The following CNTNAP2 variants were observed in gnomAD, a reference collection of about 807,000 sequenced individuals.
CNTNAP2 encodes the protein contactin-associated protein-like 2.
CNTNAP2 carries 98 observed loss-of-function variants against 155.2 expected under a neutral mutation model. The observed-to-expected ratio is 0.63, with a 90% CI of 0.54 to 0.75. The LOEUF (loss-of-function observed/expected upper bound fraction) is 0.75, where lower values mean the gene tolerates loss of function less well. Ranked by LOEUF, CNTNAP2 falls within the 30% of genes least tolerant of loss-of-function variation. The pLI is 0.00. For synonymous variants in CNTNAP2, 651 were observed against 631.2 expected (o/e 1.03, Z -0.47); for missense variants, 1,727 against 1,688.1 (o/e 1.02, Z -0.40).
chr7:147,915,875 G>A (rs1394612077), intron 14 of CNTNAP2, among the ~76,000 whole-genome samples: 12 of 152,156 alleles, frequency 7.9e-5, no homozygotes, highest in Non-Finnish European at 1.6e-4. Flanking sequence ...ACCATCCCGT[G>A]TACGTTACTC....
chr7:146,485,476 G>C (rs965416127), intron 1 of CNTNAP2, among the ~76,000 whole-genome samples: 6 of 152,170 alleles, frequency 3.9e-5, no homozygotes, highest in African/African-American at 1.4e-4. Flanking sequence ...CCTACCAGTG[G>C]TAAGTGGTAG....
chr7:147,593,161 T>A (rs1337817329), intron 12 of CNTNAP2, among the ~76,000 whole-genome samples: 1 of 151,608 alleles, frequency 6.6e-6, no homozygotes. Flanking sequence ...ACATTATAAT[T>A]GTAGGGAAAG....
intron 13 of CNTNAP2, among the ~76,000 whole-genome samples, chr7:147,777,677 A>G (rs1432763465): frequency 2.0e-5 from 3 of 152,174 alleles, no homozygotes; most frequent in Admixed American, 6.5e-5. Context: ...GTGGCCCCAT[A>G]TATTTTCCCT....
In CNTNAP2 at chr7:147,221,282, A is replaced by G. The variant is rs140422360; in HGVS notation, c.1349-78859A>G. Among the ~76,000 whole-genome samples the G allele has an allele frequency of 3.9e-3, 597 of 152,274 alleles. 3 individuals are homozygous for G. Among genetic ancestry groups the G allele is most frequent in the African/African-American group, 0.014 (564 of 41,554 alleles). Reference sequence around the variant, plus strand: ...CATTTTTCATGGTATTTTTTTGAACAAATATTTACTTGTTAAATCAATTAA... The same window carrying G: ...CATTTTTCATGGTATTTTTTTGAACGAATATTTACTTGTTAAATCAATTAA... On this transcript the variant is annotated intron_variant, in intron 8 of 23. Coordinates refer to ENST00000361727, the MANE Select transcript of CNTNAP2 (RefSeq NM_014141.6).
intron 12 of CNTNAP2, among the ~76,000 whole-genome samples, chr7:147,632,864 G>A (rs1795110580): frequency 6.6e-6 from 1 of 152,194 alleles, no homozygotes; most frequent in Admixed American, 6.5e-5. Context: ...GGTCTCATAT[G>A]AAGATGAGGA....
intron 3 of CNTNAP2, among the ~76,000 whole-genome samples, chr7:146,902,138 C>T (rs1438990669): frequency 2.0e-5 from 3 of 151,984 alleles, no homozygotes; most frequent in African/African-American, 4.8e-5. Context: ...CCCGTCTCGG[C>T]CTCCCAAAGT....
intron 18 of CNTNAP2, among the ~76,000 whole-genome samples, chr7:148,181,194 G>A (rs1007269215): frequency 1.3e-5 from 2 of 152,152 alleles, no homozygotes; most frequent in African/African-American, 4.8e-5. Flanking sequence ...TGTAGAGGAC[G>A]TATCATGGGA....
chr7:148,282,482 G>A (rs905759626), intron 21 of CNTNAP2, among the ~76,000 whole-genome samples: 1 of 152,184 alleles, frequency 6.6e-6, no homozygotes. Flanking sequence ...TTAGGAAGAT[G>A]AAAGATGCTA....
chr7:147,775,403 TTA>T (rs1491111321), intron 13 of CNTNAP2, among the ~76,000 whole-genome samples: 2 of 81,002 alleles, frequency 2.5e-5, no homozygotes, highest in Non-Finnish European at 5.1e-5. Flanking sequence ...ATATATATAT[TTA>T]TATATATATT....
chr7:148,241,497 C>A (rs1796157756), intron 20 of CNTNAP2, among the ~76,000 whole-genome samples: 1 of 152,142 alleles, frequency 6.6e-6, no homozygotes. Flanking sequence ...AGATATGAAC[C>A]AAGTGCCCAT....
At chr7:147,722,526 G>C (rs984728136) in intron 13 of CNTNAP2, among the ~76,000 whole-genome samples, 2 of 152,050 alleles carry the variant, frequency 1.3e-5, no homozygotes, top group African/African-American at 4.8e-5. Flanking sequence ...TTGCCAACAA[G>C]CATATGAAGG....
intron 13 of CNTNAP2, among the ~76,000 whole-genome samples, chr7:147,842,681 C>T (rs191535286): frequency 0.031 from 3,100 of 100,448 alleles, 95 homozygotes; most frequent in Middle Eastern, 0.053. Flanking sequence ...CATGCTGGTG[C>T]GCTGCACCCA....
intron 11 of CNTNAP2, among the ~76,000 whole-genome samples, chr7:147,553,739 G>T (rs543697144): frequency 6.6e-6 from 1 of 152,260 alleles, no homozygotes; most frequent in Non-Finnish European, 1.5e-5. Flanking sequence ...TGTAATCCCA[G>T]CACTTTGGGA....
chr7:146,743,510 T>C (rs1226659355), intron 1 of CNTNAP2, among the ~76,000 whole-genome samples: 1 of 152,166 alleles, frequency 6.6e-6, no homozygotes, highest in African/African-American at 2.4e-5. Context: ...ACTTATTGTG[T>C]AAAGACATTT....
chr7:147,361,535 C>T (rs1315872803), intron 9 of CNTNAP2, among the ~76,000 whole-genome samples: 4 of 151,990 alleles, frequency 2.6e-5, no homozygotes. Flanking sequence ...ATAAAGTGTC[C>T]TAGGATTAAT....
Position 147,744,822 on chromosome 7 carries a change from C to T in CNTNAP2, c.2098+105516C>T, listed in dbSNP as rs182406911. ...ATACTATCCTATCAGGGAGCATGCC[C>T]CACCCTCCAACCTCATTTAACTGTA... On this transcript the variant is annotated intron_variant, in intron 13 of 23. Coordinates refer to ENST00000361727, the MANE Select transcript of CNTNAP2 (RefSeq NM_014141.6). Among the ~76,000 whole-genome samples the T allele has an allele frequency of 1.6e-4, 25 of 152,244 alleles. No individual in the cohort carries two copies. In the East Asian group the frequency reaches 4.2e-3, roughly 26 times the overall value.
intron 1 of CNTNAP2, among the ~76,000 whole-genome samples, chr7:146,523,083 C>A (rs149175542): frequency 1.3e-5 from 2 of 151,862 alleles, no homozygotes; most frequent in African/African-American, 4.8e-5. Context: ...GGGATCCTGG[C>A]GCACCCATCA....
At position 147,903,652 on chromosome 7, in the gene CNTNAP2, C is replaced by G; in HGVS notation, c.2186C>G (p.Ala729Gly). The stretch of plus-strand genomic sequence containing the variant: ...TCTGGGCCTGGAATCCAGAAATGTG[C>G]CTGCGGCATCGAACGCAACTGCACA... ...GGSGPGIQKCACGIERNCTDP... is the reference protein window; with the variant it reads ...GGSGPGIQKCGCGIERNCTDP... Residue 729 changes from alanine to glycine, a missense_variant, in exon 14 of 24, where the codon GCC becomes GGC. Transcript: ENST00000361727. The G allele has an allele frequency of 6.2e-7, 1 of 1,614,052 alleles. No individual in the cohort carries two copies. Among genetic ancestry groups the G allele is most frequent in the Middle Eastern group, 1.7e-4 (1 of 6,060 alleles).
chr7:148,086,229 T>C (rs1052412603), intron 15 of CNTNAP2, among the ~76,000 whole-genome samples: 1 of 152,192 alleles, frequency 6.6e-6, no homozygotes, highest in Admixed American at 6.5e-5. Flanking sequence ...GAAAGACCTC[T>C]TTTGCTTTTA....
Sources: allele counts gnomAD v4.1 joint callset (sites outside exome capture counted in the v4.1 genomes callset), GRCh38; gene constraint gnomAD v4.1.1; transcripts MANE v1.5; gene names NCBI Gene and HGNC (gene_info 2026-07-23, HGNC 2026-07-21).